PPARGC1A: variants seen among roughly 807,000 people sequenced by gnomAD.
PPARGC1A encodes PPARG coactivator 1 alpha, also known as peroxisome proliferator-activated receptor gamma coactivator 1-alpha.
PPARGC1A carries 25 observed loss-of-function variants against 88.7 expected under a neutral mutation model. That is an observed-to-expected ratio of 0.28 (90% CI 0.21 to 0.39). The LOEUF (loss-of-function observed/expected upper bound fraction) is 0.39. PPARGC1A is among the 10% of genes least tolerant of loss of function. PPARGC1A has a pLI of 1.00. For missense variants in PPARGC1A, 880 were observed against 968.7 expected (o/e 0.91, Z 1.22); for synonymous variants, 363 against 355.6 (o/e 1.02, Z -0.24).
the PPARGC1A span, among the ~76,000 whole-genome samples, chr4:24,253,650 C>T: frequency 6.6e-6 from 1 of 152,236 alleles, no homozygotes; most frequent in Admixed American, 6.5e-5. Context: ...AGTGAGACAT[C>T]TAGGACACAA....
chr4:24,380,934 G>C, the PPARGC1A span, among the ~76,000 whole-genome samples: 1 of 150,962 alleles, frequency 6.6e-6, no homozygotes, highest in Admixed American at 6.6e-5. Context: ...ATAAGTGAAG[G>C]GTAGAAGAAG....
At chr4:24,441,661 G>C in the PPARGC1A span, among the ~76,000 whole-genome samples, 1 of 151,438 alleles carries the variant, frequency 6.6e-6, no homozygotes, top group Non-Finnish European at 1.5e-5. Context: ...AAGGAAAGAA[G>C]GAAATAGGGA....
At chr4:24,353,775 G>A in the PPARGC1A span, among the ~76,000 whole-genome samples, 10 of 152,216 alleles carry the variant, frequency 6.6e-5, no homozygotes, top group African/African-American at 2.4e-4. Context: ...TACCACAGGT[G>A]GGAATTCTTT....
chr4:24,424,258 C>CTTT, the PPARGC1A span, among the ~76,000 whole-genome samples: 1,021 of 44,354 alleles, frequency 0.023, 337 homozygotes, highest in East Asian at 0.19. Context: ...TATACACACA[C>CTTT]TTTTTTTTTT....
chr4:24,123,087 G>A, the PPARGC1A span, among the ~76,000 whole-genome samples: 1 of 152,230 alleles, frequency 6.6e-6, no homozygotes, highest in Middle Eastern at 3.4e-3. Flanking sequence ...CTGACGGTAG[G>A]TCCCCACTTG....
chr4:24,084,422 G>A, the PPARGC1A span, among the ~76,000 whole-genome samples: 8 of 152,348 alleles, frequency 5.3e-5, no homozygotes, highest in Admixed American at 2.6e-4. Flanking sequence ...AGGCTGATTC[G>A]TGAAGACAGT....
chr4:24,313,745 T>C, the PPARGC1A span, among the ~76,000 whole-genome samples: 2 of 152,202 alleles, frequency 1.3e-5, no homozygotes, highest in South Asian at 4.1e-4. Context: ...TATTATCTAG[T>C]AAAGTTTAAA....
At chr4:24,258,543 C>T in the PPARGC1A span, among the ~76,000 whole-genome samples, 4 of 152,064 alleles carry the variant, frequency 2.6e-5, no homozygotes, top group Non-Finnish European at 4.4e-5. Context: ...TTTATGAGCC[C>T]AGACACCAAT....
the PPARGC1A span, among the ~76,000 whole-genome samples, chr4:24,186,719 T>G: frequency 6.6e-6 from 1 of 152,118 alleles, no homozygotes; most frequent in African/African-American, 2.4e-5. Flanking sequence ...ACGCTCCTTT[T>G]CTGGGGCACG....
At chr4:23,810,524 G>T (rs542172221) in intron 10 of PPARGC1A, among the ~76,000 whole-genome samples, 2 of 152,074 alleles carry the variant, frequency 1.3e-5, no homozygotes, top group Non-Finnish European at 2.9e-5. Flanking sequence ...GTAAAGGGCC[G>T]AACTAGCAAC....
At chr4:24,004,386 A>G in the PPARGC1A span, among the ~76,000 whole-genome samples, 1 of 152,246 alleles carries the variant, frequency 6.6e-6, no homozygotes, top group African/African-American at 2.4e-5. Context: ...ACACTCCGTG[A>G]CTTTAGAGAT....
At chr4:24,462,710 A>C in the PPARGC1A span, among the ~76,000 whole-genome samples, 2 of 151,162 alleles carry the variant, frequency 1.3e-5, no homozygotes, top group Middle Eastern at 3.4e-3. Context: ...AGTGGATTCT[A>C]TTATGATGGA....
chr4:23,844,280 T>A (rs1440216543), intron 2 of PPARGC1A, among the ~76,000 whole-genome samples: 2 of 143,544 alleles, frequency 1.4e-5, no homozygotes, highest in Non-Finnish European at 3.0e-5. Flanking sequence ...ATACAACTAA[T>A]GACACAAGGC....
At chr4:24,312,613 G>C in the PPARGC1A span, among the ~76,000 whole-genome samples, 1 of 142,006 alleles carries the variant, frequency 7.0e-6, no homozygotes, top group Non-Finnish European at 1.5e-5. Context: ...TGGGGTGGGG[G>C]GGAAAAGGAT....
the PPARGC1A span, among the ~76,000 whole-genome samples, chr4:23,938,985 C>T: frequency 6.6e-6 from 1 of 152,174 alleles, no homozygotes; most frequent in Non-Finnish European, 1.5e-5. Flanking sequence ...TGCTCAGATG[C>T]TCAACAAGGC....
the PPARGC1A span, among the ~76,000 whole-genome samples, chr4:23,959,076 A>G: frequency 6.6e-6 from 1 of 151,934 alleles, no homozygotes; most frequent in African/African-American, 2.4e-5. Context: ...ACTGAATTCT[A>G]TGCTCAGTTC....
the PPARGC1A span, among the ~76,000 whole-genome samples, chr4:23,973,937 CAAAAAATAAAAAATAAT>C: frequency 6.7e-6 from 1 of 148,416 alleles, no homozygotes; most frequent in Non-Finnish European, 1.5e-5. Flanking sequence ...GCTCTTGAGG[CAAAAAATAAAAAATAAT>C]AAAAAATAAA....
At chr4:24,194,064 G>T in the PPARGC1A span, among the ~76,000 whole-genome samples, 2 of 147,190 alleles carry the variant, frequency 1.4e-5, no homozygotes, top group East Asian at 2.0e-4. Context: ...GGGAGGTGGA[G>T]GTTGCAGTGA....
At chr4:24,223,482 T>G in the PPARGC1A span, among the ~76,000 whole-genome samples, 1 of 152,306 alleles carries the variant, frequency 6.6e-6, no homozygotes, top group East Asian at 1.9e-4. Context: ...ACTCCTGACC[T>G]CAAATGATCT....
Sources: gnomAD v4.1 joint callset for allele counts (sites outside exome capture counted in the v4.1 genomes callset) on GRCh38, gnomAD v4.1.1 for gene constraint, MANE v1.5 for transcripts, NCBI Gene and HGNC (gene_info 2026-07-23, HGNC 2026-07-21) for gene names.